The following PDE1C variants were observed in gnomAD, a reference collection of about 807,000 sequenced individuals.
The protein encoded by PDE1C is phosphodiesterase 1C.
In PDE1C, 62 loss-of-function variants were observed where a neutral mutation model predicts 93.1. That is an observed-to-expected ratio of 0.67 (90% confidence interval 0.54 to 0.82). PDE1C has a LOEUF of 0.82. Ranked by LOEUF, PDE1C falls within the 40% of genes least tolerant of loss-of-function variation. The pLI is 0.00. For missense variants in PDE1C, 742 were observed against 884.6 expected, an observed-to-expected ratio of 0.84 and a Z score of 2.04; for synonymous variants, 325 against 310.1, an observed-to-expected ratio of 1.05 and a Z score of -0.50.
rs757081147 is a variant in PDE1C at position 31,896,823 on chromosome 7, C to T, written c.129-15963G>A. Among the ~76,000 whole-genome samples the T allele has an allele frequency of 7.9e-5, 12 of 152,172 alleles. 1 individual carries two copies. Among genetic ancestry groups the T allele is most frequent in the Non-Finnish European group, 1.5e-4 (10 of 68,036 alleles). On this transcript the variant is annotated intron_variant, in intron 2 of 17. Transcript: ENST00000396191. ...CAGCCAAGTAATTGGAATAATTAAG[C>T]TACCTTGTCATGGTGTTAATTGTCT... is the stretch of plus-strand genomic sequence containing the variant.
intron 2 of PDE1C, among the ~76,000 whole-genome samples, chr7:32,008,526 C>A (rs554879805): frequency 2.6e-5 from 4 of 152,284 alleles, no homozygotes; most frequent in Admixed American, 6.5e-5. Context: ...ATTTAAACCA[C>A]AACACTATTT....
At chr7:32,363,851 C>T (rs1053835060) in intron 1 of PDE1C, among the ~76,000 whole-genome samples, 32 of 152,312 alleles carry the variant, frequency 2.1e-4, no homozygotes, top group African/African-American at 7.5e-4. Context: ...CTGTAAATAA[C>T]AGGCAACATT....
intron 2 of PDE1C, among the ~76,000 whole-genome samples, chr7:31,907,072 T>G (rs199670166): frequency 4.0e-4 from 34 of 85,806 alleles, no homozygotes; most frequent in South Asian, 2.0e-3. Flanking sequence ...ATATGTGGGG[T>G]GTGTGTGTGT....
intron 2 of PDE1C, among the ~76,000 whole-genome samples, chr7:32,181,617 A>G (rs541959524): frequency 4.1e-4 from 63 of 152,272 alleles, no homozygotes; most frequent in African/African-American, 1.4e-3. Flanking sequence ...CAAAGACACA[A>G]CATACCAGAA....
chr7:32,358,901 G>GTGTGTGTGTGTGTGTGTGTC, intron 1 of PDE1C, among the ~76,000 whole-genome samples: 1 of 151,678 alleles, frequency 6.6e-6, no homozygotes, highest in Non-Finnish European at 1.5e-5. Context: ...GTGTGTCTGT[G>GTGTGTGTGTGTGTGTGTGTC]TGTGTGTGTG....
intron 17 of PDE1C, among the ~76,000 whole-genome samples, chr7:31,767,035 T>C (rs747818104): frequency 6.6e-6 from 1 of 152,218 alleles, no homozygotes; most frequent in Non-Finnish European, 1.5e-5. Flanking sequence ...ATTTTTTCTT[T>C]CTTATCTAAT....
At chr7:31,858,632 T>C (rs1020831850) in intron 7 of PDE1C, among the ~76,000 whole-genome samples, 3 of 152,156 alleles carry the variant, frequency 2.0e-5, no homozygotes, top group Non-Finnish European at 2.9e-5. Context: ...AGAAAGTCTA[T>C]ATATAAGGTC....
intron 6 of PDE1C, among the ~76,000 whole-genome samples, chr7:31,871,256 C>T (rs943956768): frequency 6.6e-6 from 1 of 151,858 alleles, no homozygotes; most frequent in Non-Finnish European, 1.5e-5. Context: ...AAACATAATA[C>T]TCAAAACTAT....
chr7:32,206,667 C>A (rs575453175), intron 2 of PDE1C, among the ~76,000 whole-genome samples: 1 of 152,170 alleles, frequency 6.6e-6, no homozygotes, highest in Admixed American at 6.5e-5. Context: ...ACTTTCCATG[C>A]GGCACCCATG....
intron 1 of PDE1C, among the ~76,000 whole-genome samples, chr7:32,306,270 G>T (rs1170054749): frequency 6.6e-6 from 1 of 151,998 alleles, no homozygotes; most frequent in Non-Finnish European, 1.5e-5. Context: ...CGTAAATTGG[G>T]TTCCTGGTCA....
chr7:32,356,461 T>A (rs1377524751), intron 1 of PDE1C, among the ~76,000 whole-genome samples: 1 of 152,236 alleles, frequency 6.6e-6, no homozygotes, highest in East Asian at 1.9e-4. Flanking sequence ...CATGAAGACA[T>A]GAGCCCTGAG....
chr7:32,052,664 A>G (rs1200162827), intron 1 of PDE1C, among the ~76,000 whole-genome samples: 2 of 152,166 alleles, frequency 1.3e-5, no homozygotes, highest in Non-Finnish European at 2.9e-5. Flanking sequence ...GCTGTGTACC[A>G]TATTTCTTTG....
the PDE1C span, chr7:31,652,910 G>A: frequency 3.2e-6 from 5 of 1,543,640 alleles, no homozygotes; most frequent in South Asian, 1.3e-5. Context: ...TTTTCCCCAA[G>A]GAGAAGGGTC....
intron 1 of PDE1C, among the ~76,000 whole-genome samples, chr7:32,059,645 A>T (rs1584646106): frequency 6.6e-6 from 1 of 151,836 alleles, no homozygotes; most frequent in Admixed American, 6.6e-5. Context: ...CCTAAATGGG[A>T]CCCCTCCCCA....
intron 2 of PDE1C, among the ~76,000 whole-genome samples, chr7:31,903,700 C>A (rs1310964678): frequency 6.6e-6 from 1 of 151,950 alleles, no homozygotes; most frequent in Non-Finnish European, 1.5e-5. Context: ...GTGAGGAGCC[C>A]AAAATGGGAA....
At chr7:32,049,377 C>A (rs925671189) in intron 2 of PDE1C, among the ~76,000 whole-genome samples, 2 of 152,162 alleles carry the variant, frequency 1.3e-5, no homozygotes, top group Non-Finnish European at 2.9e-5. Flanking sequence ...GTTTGCTCAA[C>A]CCACTTTATT....
chr7:32,282,805 C>T (rs1181388989), intron 1 of PDE1C, among the ~76,000 whole-genome samples: 1 of 152,058 alleles, frequency 6.6e-6, no homozygotes, highest in Admixed American at 6.5e-5. Flanking sequence ...TGGTCTCGAT[C>T]TCCTAACCTC....
At chr7:32,168,568 T>A (rs1259296509) in intron 3 of PDE1C, among the ~76,000 whole-genome samples, 1 of 152,180 alleles carries the variant, frequency 6.6e-6, no homozygotes, top group Non-Finnish European at 1.5e-5. Flanking sequence ...TGGTCCCCTC[T>A]TTCACCACAG....
chr7:31,764,777 T>A (rs1043221898), intron 17 of PDE1C, among the ~76,000 whole-genome samples: 8 of 152,304 alleles, frequency 5.3e-5, no homozygotes, highest in Admixed American at 5.2e-4. Context: ...AGTATATGCA[T>A]CCCCAGAACT....
Sources: gnomAD v4.1 joint callset for allele counts (sites outside exome capture counted in the v4.1 genomes callset) on GRCh38, gnomAD v4.1.1 for gene constraint, MANE v1.5 for transcripts, NCBI Gene and HGNC (gene_info 2026-07-23, HGNC 2026-07-21) for gene names.